CAST: variants seen among roughly 807,000 people sequenced by gnomAD.
CAST encodes the protein calpastatin.
In CAST, 76 loss-of-function variants were observed where a neutral mutation model predicts 119.6. The observed-to-expected ratio is 0.64, with a 90% CI of 0.53 to 0.77. The LOEUF (loss-of-function observed/expected upper bound fraction) is 0.77, where lower values mean the gene tolerates loss of function less well. Ranked by LOEUF, CAST falls within the 30% of genes least tolerant of loss-of-function variation. The probability of loss-of-function intolerance (pLI) is 0.00; values close to 1 mark genes in which losing one functional copy is unlikely to be tolerated. For missense variants in CAST, 953 were observed against 946.5 expected (o/e 1.01, Z -0.09); for synonymous variants, 319 against 331.6 (o/e 0.96, Z 0.41).
intron 1 of CAST, among the ~76,000 whole-genome samples, chr5:96,559,489 T>C (rs1244198156): frequency 6.6e-6 from 1 of 152,180 alleles, no homozygotes; most frequent in Non-Finnish European, 1.5e-5. Context: ...CTCCTTAAGC[T>C]GATAAGCAAC....
the CAST span, among the ~76,000 whole-genome samples, chr5:96,282,806 C>CT: frequency 1.3e-5 from 2 of 152,168 alleles, no homozygotes; most frequent in South Asian, 4.1e-4. Context: ...ACCTTGGCTG[C>CT]AACTTAGAAT....
chr5:96,062,618 C>T, the CAST span, among the ~76,000 whole-genome samples: 1 of 152,100 alleles, frequency 6.6e-6, no homozygotes, highest in Non-Finnish European at 1.5e-5. Context: ...ACTTCAGGTT[C>T]CTCAGGCCAA....
chr5:96,164,948 T>C, the CAST span, among the ~76,000 whole-genome samples: 5 of 152,102 alleles, frequency 3.3e-5, no homozygotes, highest in Non-Finnish European at 7.4e-5. Context: ...GCAGCCTTGG[T>C]AGTGGGGTGG....
At chr5:96,330,988 G>T in the CAST span, among the ~76,000 whole-genome samples, 1 of 152,072 alleles carries the variant, frequency 6.6e-6, no homozygotes, top group African/African-American at 2.4e-5. Context: ...TTCTGCCTGT[G>T]ACAATAATAA....
the CAST span, among the ~76,000 whole-genome samples, chr5:96,094,265 C>A: frequency 6.6e-6 from 1 of 152,080 alleles, no homozygotes; most frequent in African/African-American, 2.4e-5. Flanking sequence ...CCCCTTATGC[C>A]CAGTGAATTT....
At chr5:96,068,213 G>C in the CAST span, among the ~76,000 whole-genome samples, 2 of 152,106 alleles carry the variant, frequency 1.3e-5, no homozygotes, top group Non-Finnish European at 2.9e-5. Context: ...CTCATTGCTT[G>C]GGAATTTCTT....
At chr5:96,479,375 T>C in the CAST span, among the ~76,000 whole-genome samples, 1 of 152,064 alleles carries the variant, frequency 6.6e-6, no homozygotes, top group South Asian at 2.1e-4. Flanking sequence ...ATAAAGTTGC[T>C]GTGAAGTTAG....
At chr5:96,407,821 G>T in the CAST span, among the ~76,000 whole-genome samples, 1 of 152,152 alleles carries the variant, frequency 6.6e-6, no homozygotes, top group Non-Finnish European at 1.5e-5. Flanking sequence ...TCCTAATACT[G>T]CCCACTGGAA....
At chr5:96,574,655 G>A (rs1298370654) in intron 1 of CAST, among the ~76,000 whole-genome samples, 3 of 148,968 alleles carry the variant, frequency 2.0e-5, no homozygotes, top group Admixed American at 7.1e-5. Flanking sequence ...TAAAAGTTTT[G>A]TAATTTTACA....
the CAST span, among the ~76,000 whole-genome samples, chr5:96,117,201 C>G: frequency 6.6e-6 from 1 of 152,052 alleles, no homozygotes; most frequent in African/African-American, 2.4e-5. Flanking sequence ...TTGTGTCTTG[C>G]TTAAGAAATT....
the CAST span, among the ~76,000 whole-genome samples, chr5:96,208,095 T>C: frequency 6.6e-6 from 1 of 151,526 alleles, no homozygotes; most frequent in Non-Finnish European, 1.5e-5. Flanking sequence ...TTCTAGTTTG[T>C]GTGCATACAT....
the CAST span, among the ~76,000 whole-genome samples, chr5:96,121,984 A>G: frequency 6.6e-6 from 1 of 152,180 alleles, no homozygotes; most frequent in African/African-American, 2.4e-5. Flanking sequence ...TCCTTCTGCA[A>G]TTAAGCATTC....
chr5:96,383,987 AGTTTTATGGG>A, the CAST span, among the ~76,000 whole-genome samples: 2 of 152,000 alleles, frequency 1.3e-5, no homozygotes, highest in Non-Finnish European at 2.9e-5. Flanking sequence ...GGCCGACCTG[AGTTTTATGGG>A]GTCTGAAGCT....
the CAST span, among the ~76,000 whole-genome samples, chr5:95,992,236 G>T: frequency 6.6e-6 from 1 of 152,158 alleles, no homozygotes; most frequent in African/African-American, 2.4e-5. Flanking sequence ...GGAAAACTCC[G>T]TGTTATTAAA....
At chr5:96,641,514 C>G (rs958136104) in intron 1 of CAST, among the ~76,000 whole-genome samples, 2 of 152,152 alleles carry the variant, frequency 1.3e-5, no homozygotes, top group Non-Finnish European at 2.9e-5. Flanking sequence ...CCATGTGAAT[C>G]GTCCCTTTTC....
intron 1 of CAST, among the ~76,000 whole-genome samples, chr5:96,557,333 T>C (rs1400231944): frequency 6.6e-6 from 1 of 152,030 alleles, no homozygotes; most frequent in Non-Finnish European, 1.5e-5. Context: ...AACATCATAA[T>C]GACAGGACCA....
the CAST span, among the ~76,000 whole-genome samples, chr5:96,384,445 A>G: frequency 6.6e-6 from 1 of 152,194 alleles, no homozygotes; most frequent in Non-Finnish European, 1.5e-5. Context: ...TCTATCTCTT[A>G]TGGACATACG....
At chr5:96,269,935 C>T in the CAST span, among the ~76,000 whole-genome samples, 6 of 145,692 alleles carry the variant, frequency 4.1e-5, no homozygotes, top group East Asian at 7.7e-4. Context: ...AAGGACACAA[C>T]AAAAAAGAAA....
intron 1 of CAST, among the ~76,000 whole-genome samples, chr5:96,575,256 T>G: frequency 6.6e-6 from 1 of 151,990 alleles, no homozygotes; most frequent in South Asian, 2.1e-4. Flanking sequence ...GTGTTGATCT[T>G]GTATGGAGTC....
Sources: gnomAD v4.1 joint callset for allele counts (sites outside exome capture counted in the v4.1 genomes callset) on GRCh38, gnomAD v4.1.1 for gene constraint, MANE v1.5 for transcripts, NCBI Gene and HGNC (gene_info 2026-07-23, HGNC 2026-07-21) for gene names.